The following MCC variants were observed in gnomAD, a reference collection of about 807,000 sequenced individuals.
The protein encoded by MCC is colorectal mutant cancer protein.
Under a neutral mutation model 116.2 loss-of-function variants are expected in MCC, and 90 were observed. The ratio of observed to expected loss-of-function variants is 0.77; its 90% confidence interval spans 0.65 to 0.92. The LOEUF is 0.92. Ranked by LOEUF, MCC falls within the 40% of genes least tolerant of loss-of-function variation. The pLI, the probability that MCC is intolerant of heterozygous loss-of-function variation, is 0.00. For missense variants in MCC, 1,516 were observed against 1,312.2 expected (o/e 1.16, Z -2.40); for synonymous variants, 578 against 510.5 (o/e 1.13, Z -1.78).
chr5:113,168,393 T>C (rs1469540461), intron 3 of MCC, among the ~76,000 whole-genome samples: 2 of 152,232 alleles, frequency 1.3e-5, no homozygotes, highest in East Asian at 1.9e-4. Context: ...TTTGAAACTT[T>C]CTGAAGAAAT....
intron 3 of MCC, among the ~76,000 whole-genome samples, chr5:113,174,423 T>C (rs1213181423): frequency 6.6e-6 from 1 of 152,116 alleles, no homozygotes; most frequent in African/African-American, 2.4e-5. Context: ...TTTTAAGATA[T>C]ATTTACAAAG....
intron 3 of MCC, among the ~76,000 whole-genome samples, chr5:113,299,392 A>G (rs560096481): frequency 4.8e-4 from 71 of 146,804 alleles, no homozygotes; most frequent in Non-Finnish European, 5.1e-4. Flanking sequence ...GTTTTCTTAT[A>G]ATGTAAAATT....
chr5:113,087,445 G>A (rs1014949564), intron 8 of MCC, among the ~76,000 whole-genome samples: 4 of 152,164 alleles, frequency 2.6e-5, no homozygotes, highest in Non-Finnish European at 4.4e-5. Flanking sequence ...TACTGCTGAT[G>A]AAGGATTACA....
intron 3 of MCC, among the ~76,000 whole-genome samples, chr5:113,190,951 G>C (rs1762124846): frequency 6.6e-6 from 1 of 152,256 alleles, no homozygotes; most frequent in East Asian, 1.9e-4. Context: ...GGAAGATGGA[G>C]TGGAGGGCAG....
At chr5:113,205,208 G>GTGA (rs1484794621) in intron 3 of MCC, among the ~76,000 whole-genome samples, 6 of 152,164 alleles carry the variant, frequency 3.9e-5, no homozygotes, top group African/African-American at 9.7e-5. Flanking sequence ...TCACAGGAAG[G>GTGA]GCTGATGCAG....
intron 1 of MCC, among the ~76,000 whole-genome samples, chr5:113,423,220 GC>G: frequency 6.6e-6 from 1 of 152,218 alleles, no homozygotes; most frequent in African/African-American, 2.4e-5. Flanking sequence ...GTCTAAAGTG[GC>G]CCCCAAGCAC....
intron 1 of MCC, among the ~76,000 whole-genome samples, chr5:113,438,908 G>C (rs772762268): frequency 3.9e-5 from 6 of 152,092 alleles, no homozygotes; most frequent in Non-Finnish European, 8.8e-5. Flanking sequence ...TAAGCTTATG[G>C]GAGAGAAAAA....
chr5:113,349,284 G>A (rs566733064), intron 2 of MCC, among the ~76,000 whole-genome samples: 3 of 152,136 alleles, frequency 2.0e-5, no homozygotes, highest in Non-Finnish European at 2.9e-5. Flanking sequence ...GAACACTGAT[G>A]CAAAAATCCT....
At chr5:113,313,933 G>A (rs527929397) in intron 3 of MCC, among the ~76,000 whole-genome samples, 5 of 152,200 alleles carry the variant, frequency 3.3e-5, no homozygotes, top group South Asian at 2.1e-4. Flanking sequence ...TGATCCTCCC[G>A]CTTCGGCCTC....
chr5:113,250,545 T>C (rs1764757907), intron 3 of MCC, among the ~76,000 whole-genome samples: 1 of 151,170 alleles, frequency 6.6e-6, no homozygotes, highest in African/African-American at 2.5e-5. Flanking sequence ...TTATAAATAA[T>C]TGTTTTTAAA....
chr5:113,123,792 A>G (rs1032952861), intron 5 of MCC, among the ~76,000 whole-genome samples: 6 of 152,168 alleles, frequency 3.9e-5, no homozygotes, highest in Non-Finnish European at 7.3e-5. Context: ...TTTAACTGGG[A>G]GTGGAATGCC....
chr5:113,325,342 A>G (rs1439713532), intron 3 of MCC, among the ~76,000 whole-genome samples: 3 of 152,196 alleles, frequency 2.0e-5, no homozygotes, highest in Non-Finnish European at 4.4e-5. Context: ...AGAGTGCTCA[A>G]ACTGAATTTT....
chr5:113,122,593 A>T, intron 6 of MCC, 91 bp downstream of exon 6: 3 of 1,484,548 alleles, frequency 2.0e-6, no homozygotes, highest in Non-Finnish European at 2.8e-6. Context: ...TGAAAAATTA[A>T]ATTTTAATTC....
At chr5:113,482,628 AT>A (rs1177690580) in intron 1 of MCC, among the ~76,000 whole-genome samples, 2 of 152,132 alleles carry the variant, frequency 1.3e-5, no homozygotes, top group Non-Finnish European at 2.9e-5. Flanking sequence ...ATTATTAAGT[AT>A]TCTTTATAAA....
At chr5:113,095,068 T>G (rs1755924201) in intron 8 of MCC, among the ~76,000 whole-genome samples, 1 of 152,330 alleles carries the variant, frequency 6.6e-6, no homozygotes, top group Non-Finnish European at 1.5e-5. Context: ...ACCAGCTTCC[T>G]ATTTTCTGCA....
At chr5:113,133,664 A>C (rs1758612624) in intron 5 of MCC, among the ~76,000 whole-genome samples, 1 of 152,182 alleles carries the variant, frequency 6.6e-6, no homozygotes, top group Non-Finnish European at 1.5e-5. Context: ...ACTGGATCAT[A>C]TGGTAGTTCT....
chr5:113,125,269 G>C (rs763043887), intron 5 of MCC, among the ~76,000 whole-genome samples: 1 of 152,112 alleles, frequency 6.6e-6, no homozygotes, highest in African/African-American at 2.4e-5. Context: ...ATCTTGTGTG[G>C]AAACAGATAA....
chr5:113,422,258 C>G (rs532804180), intron 1 of MCC, among the ~76,000 whole-genome samples: 1 of 140,894 alleles, frequency 7.1e-6, no homozygotes, highest in African/African-American at 3.0e-5. Flanking sequence ...ATGTGCTGTA[C>G]CACACCATGA....
chr5:113,248,129 C>G (rs1339787873), intron 3 of MCC, among the ~76,000 whole-genome samples: 1 of 151,700 alleles, frequency 6.6e-6, no homozygotes, highest in Non-Finnish European at 1.5e-5. Flanking sequence ...TTACTCCAGG[C>G]TGACGTGGGA....
Sources: gnomAD v4.1 joint callset for allele counts (sites outside exome capture counted in the v4.1 genomes callset) on GRCh38, gnomAD v4.1.1 for gene constraint, MANE v1.5 for transcripts, NCBI Gene and HGNC (gene_info 2026-07-23, HGNC 2026-07-21) for gene names.